The following VIRMA variants were observed in gnomAD, a reference collection of about 807,000 sequenced individuals.
VIRMA encodes the protein vir like m6A methyltransferase associated.
A neutral mutation model predicts 182.4 loss-of-function variants in VIRMA; 65 were observed. The ratio of observed to expected loss-of-function variants is 0.36; its 90% CI spans 0.29 to 0.44. The LOEUF (loss-of-function observed/expected upper bound fraction) is 0.44, where lower values mean the gene tolerates loss of function less well. Among genes scored for constraint, VIRMA ranks in the 20% least tolerant of loss-of-function variants. The probability of loss-of-function intolerance (pLI) is 1.00; values close to 1 mark genes in which losing one functional copy is unlikely to be tolerated. For synonymous variants in VIRMA, 709 were observed against 743.1 expected (o/e 0.95, Z 0.75); for missense variants, 1,752 against 2,158.1 (o/e 0.81, Z 3.73).
At chr8:94,536,521 G>C (rs1815348565) in intron 4 of VIRMA, among the ~76,000 whole-genome samples, 1 of 152,188 alleles carries the variant, frequency 6.6e-6, no homozygotes, top group African/African-American at 2.4e-5. Context: ...TTGCCTGCCT[G>C]TCGTCTTCTG....
intron 16 of VIRMA, among the ~76,000 whole-genome samples, chr8:94,504,420 A>G (rs1412461733): frequency 6.6e-6 from 1 of 152,032 alleles, no homozygotes; most frequent in Non-Finnish European, 1.5e-5. Context: ...TCCCCAGGAT[A>G]TTACCATGTT....
In VIRMA at chr8:94,512,093, TA is replaced by T; in HGVS notation, c.2752-5del. ...GGGTCATCAAGTTATCGATATTCTT[TA>T]AAAATGAAAATGAACAGAATATTTC... On this transcript the variant is annotated splice_region_variant and splice_polypyrimidine_tract_variant and intron_variant, in intron 11 of 23. Transcript: ENST00000297591. 2 of 1,440,314 alleles carry T rather than the reference TA, an allele frequency of 1.4e-6. No homozygotes were observed. Among genetic ancestry groups the T allele is most frequent in the East Asian group, 2.7e-5 (1 of 37,608 alleles). 89.2% of individuals were successfully genotyped at this position (1,440,314 alleles called of 1,614,324 possible). A position where few individuals can be genotyped will look rare whatever the true frequency, so the allele number is the denominator to read the frequency against.
chr8:94,519,231 G>C lies in VIRMA; in HGVS notation c.2267C>G (p.Ala756Gly). 1 of 1,614,140 alleles carries C rather than the reference G, an allele frequency of 6.2e-7. No homozygotes were observed. The highest frequency in any genetic ancestry group is 8.5e-7 in the Non-Finnish European group (1 of 1,180,012). The change falls in exon 9 of 24, where the codon GCA becomes GGA. Residue 756 changes from alanine (A) to glycine (G), a missense_variant. Physicochemically the swap from Ala to Gly is moderately conservative, Grantham distance 60 (BLOSUM62 0). Coordinates refer to ENST00000297591, the MANE Select transcript of VIRMA (RefSeq NM_015496.5). ...TGAGTCCTGTAGCCACAAGGCAAATGCATCATCAATAACACCATCAGATTG... is the reference window on the plus strand; with the variant it reads ...TGAGTCCTGTAGCCACAAGGCAAATCCATCATCAATAACACCATCAGATTG... Reference protein sequence around the residue: ...GLQSDGVIDDAFALWLQDSTQ... With the variant: ...GLQSDGVIDDGFALWLQDSTQ...
intron 6 of VIRMA, 34 bp downstream of exon 6, chr8:94,530,928 AG>A (rs773661512): frequency 1.9e-6 from 3 of 1,587,112 alleles, no homozygotes; most frequent in Non-Finnish European, 1.7e-6. Flanking sequence ...ACTATTAACT[AG>A]GGGGGAAAAC....
chr8:94,507,282 T>C (rs1045936831), intron 15 of VIRMA, among the ~76,000 whole-genome samples: 2 of 151,706 alleles, frequency 1.3e-5, no homozygotes, highest in Non-Finnish European at 2.9e-5. Flanking sequence ...ATTATAGGAA[T>C]GCAGCACCAC....
Position 94,510,499 on chromosome 8 carries a change from C to T in VIRMA, c.3544G>A (p.Val1182Ile), listed in dbSNP as rs139494683. ...GGTGAGGCAAGGTCACACAATTGAA[C>T]ACAAATACGCCGTAACATATGTTGA... ...PIQHMLRRICVQLCDLASPTA... is the reference protein window; with the variant it reads ...PIQHMLRRICIQLCDLASPTA... The change falls in exon 14 of 24, where the codon GTT becomes ATT. Residue 1182 changes from valine to isoleucine, a missense_variant. Physicochemically the swap from Val to Ile is conservative, Grantham distance 29 (BLOSUM62 3). Transcript: ENST00000297591. 3.6e-4 allele frequency: 575 copies of T among 1,614,064 alleles called. 1 individual carries two copies. The highest frequency in any genetic ancestry group is 1.7e-3 in the Admixed American group (103 of 60,002).
chr8:94,552,188 G>A (rs968276555), intron 1 of VIRMA, among the ~76,000 whole-genome samples: 1 of 152,198 alleles, frequency 6.6e-6, no homozygotes, highest in African/African-American at 2.4e-5. Flanking sequence ...TTAACTGTCA[G>A]TAAGAAATGC....
intron 22 of VIRMA, 33 bp downstream of exon 22, chr8:94,491,545 T>G (rs1256619101): frequency 6.6e-7 from 1 of 1,522,918 alleles, no homozygotes; most frequent in Non-Finnish European, 9.0e-7. Flanking sequence ...TCCAATATTC[T>G]AACCCATTAG....
chr8:94,496,423 T>A lies in VIRMA; in HGVS notation c.4288A>T (p.Thr1430Ser). ...MEVEGAHTSR[T>S]MSINAAELKQ... ...AACTCTGCAGCATTAATACTCATCG[T>A]CCGTGATGTATGAGCTCCCTCTACT... Residue 1430 changes from threonine (T) to serine (S), a missense_variant, in exon 18 of 24, where the codon ACG becomes TCG. Around this residue, in one of 11 missense-constraint regions of VIRMA, gnomAD observed 777 missense variants for 920.6 expected, o/e 0.84. Coordinates refer to ENST00000297591, the MANE Select transcript of VIRMA (RefSeq NM_015496.5). The A allele has an allele frequency of 6.2e-7, 1 of 1,613,464 alleles. No homozygotes were observed. The highest frequency in any genetic ancestry group is 8.5e-7 in the Non-Finnish European group (1 of 1,179,444).
chr8:94,532,208 G>A (rs572478545), intron 5 of VIRMA, among the ~76,000 whole-genome samples: 2 of 152,336 alleles, frequency 1.3e-5, no homozygotes, highest in East Asian at 3.9e-4. Flanking sequence ...CAGGGTTCAA[G>A]TGATTCTCCT....
intron 1 of VIRMA, among the ~76,000 whole-genome samples, chr8:94,548,823 T>C (rs1815871041): frequency 6.6e-6 from 1 of 151,906 alleles, no homozygotes; most frequent in Non-Finnish European, 1.5e-5. Flanking sequence ...GCCTGGCTAA[T>C]TTTTTTTGTA....
In VIRMA at chr8:94,541,644, C is replaced by T. The variant is rs540057957; in HGVS notation, c.179+2183G>A. Among the ~76,000 whole-genome samples, 6 of 151,796 alleles carry T rather than the reference C, an allele frequency of 4.0e-5. No homozygotes were observed. In the East Asian group the frequency reaches 5.8e-4, roughly 15 times the overall value. On this transcript the variant is annotated intron_variant, in intron 2 of 23. Transcript: ENST00000297591. ...GCAACCTCCACCCCCCAGGTTCAGG[C>T]GATTCTCCTGCCTCAGCCTCCTGAG...
chr8:94,526,609 C>T lies in VIRMA; in HGVS notation c.1635G>A (p.Arg545=), dbSNP rs1814978790. 6.2e-7 allele frequency: 1 copy of T among 1,613,998 alleles called. No homozygotes were observed. The highest frequency in any genetic ancestry group is 1.3e-5 in the African/African-American group (1 of 74,904). The change falls in exon 8 of 24, where the codon AGG becomes AGA. Residue 545 remains arginine, a synonymous_variant. Transcript: ENST00000297591. ...LELILLDQTV[R]VVTAGSAILQ... Reference sequence around the variant, plus strand: ...GAATAGCTGAACCAGCAGTAACAACCCTCACAGTCTGATCTAAAAGTATGA... The same window carrying T: ...GAATAGCTGAACCAGCAGTAACAACTCTCACAGTCTGATCTAAAAGTATGA...
intron 6 of VIRMA, among the ~76,000 whole-genome samples, chr8:94,530,521 A>G (rs1412386474): frequency 8.6e-5 from 13 of 151,930 alleles, no homozygotes; most frequent in African/African-American, 2.9e-4. Context: ...GAAAAAAGAA[A>G]GAAAGAAAAA....
rs376102911 is a variant in VIRMA at position 94,515,255 on chromosome 8, C to G, written c.2669-304G>C. Among the ~76,000 whole-genome samples the G allele has an allele frequency of 1.2e-3, 187 of 152,034 alleles. 1 individual carries two copies. Among genetic ancestry groups the G allele is most frequent in the African/African-American group, 4.3e-3 (178 of 41,460 alleles). ...GGGATTACAGGCGCCTGCCACCACA[C>G]CTGGCCGATTTTTGTATTTTTAGCA... On this transcript the variant is annotated intron_variant, in intron 10 of 23. Coordinates refer to ENST00000297591, the MANE Select transcript of VIRMA (RefSeq NM_015496.5).
chr8:94,532,788 G>A (rs1006443368), intron 5 of VIRMA, among the ~76,000 whole-genome samples: 2 of 152,032 alleles, frequency 1.3e-5, no homozygotes, highest in Non-Finnish European at 2.9e-5. Context: ...AACATAGTGA[G>A]ACCCCATCTC....
intron 3 of VIRMA, among the ~76,000 whole-genome samples, chr8:94,537,426 A>AACC (rs1198679746): frequency 2.6e-5 from 4 of 152,194 alleles, no homozygotes; most frequent in Non-Finnish European, 5.9e-5. Flanking sequence ...CAGAGTAGAG[A>AACC]ACCACTGCAT....
intron 4 of VIRMA, 55 bp from the exon 5 acceptor site, chr8:94,535,062 G>A (rs1815294740): frequency 6.6e-7 from 1 of 1,526,476 alleles, no homozygotes; most frequent in Non-Finnish European, 8.8e-7. Flanking sequence ...TAAAATGCTA[G>A]AAGTTAGCTG....
At chr8:94,523,316 G>A (rs1278777415) in intron 8 of VIRMA, among the ~76,000 whole-genome samples, 2 of 152,046 alleles carry the variant, frequency 1.3e-5, no homozygotes, top group Non-Finnish European at 2.9e-5. Flanking sequence ...CTACAAATAT[G>A]CTCAAGCCTC....
Sources: gnomAD v4.1 joint callset for allele counts (sites outside exome capture counted in the v4.1 genomes callset) on GRCh38, gnomAD v4.1.1 for gene constraint, gnomAD v4.1.1 regional missense constraint, MANE v1.5 for transcripts, NCBI Gene and HGNC (gene_info 2026-07-23, HGNC 2026-07-21) for gene names.